PWWP2B: variants seen among roughly 807,000 people sequenced by gnomAD.
PWWP2B encodes the protein PWWP domain containing 2B, also known as PWWP domain-containing protein 2B.
A neutral mutation model predicts 15.5 loss-of-function variants in PWWP2B; 9 were observed. The ratio of observed to expected loss-of-function variants is 0.58; its 90% CI spans 0.35 to 1.02. The LOEUF (loss-of-function observed/expected upper bound fraction) is 1.02, where lower values mean the gene tolerates loss of function less well. Ranked by LOEUF, PWWP2B falls within the 50% of genes least tolerant of loss-of-function variation. The probability of loss-of-function intolerance (pLI) is 0.02; values close to 1 mark genes in which losing one functional copy is unlikely to be tolerated. For synonymous variants in PWWP2B, 474 were observed against 403.6 expected, an observed-to-expected ratio of 1.17 and a Z score of -2.09; for missense variants, 864 against 865.3, an observed-to-expected ratio of 1.00 and a Z score of 0.02.
Position 132,405,961 on chromosome 10 carries a change from T to C in PWWP2B, c.1461T>C (p.Thr487=), listed in dbSNP as rs1336321906. 6.2e-7 allele frequency: 1 copy of C among 1,613,466 alleles called. No homozygotes were observed. Among genetic ancestry groups the C allele is most frequent in the South Asian group, 1.1e-5 (1 of 91,082 alleles). The change falls in exon 2 of 3, where the codon ACT becomes ACC. Residue 487 remains threonine, a synonymous_variant. Coordinates refer to ENST00000305233, the MANE Select transcript of PWWP2B (RefSeq NM_138499.4). The stretch of plus-strand genomic sequence containing the variant: ...AGTGCATCACGGAGGACGGCAGGAC[T>C]GTGGCCGTGGGGGACATCGTCTGGG... ...VSECITEDGR[T]VAVGDIVWGK... is the part of the protein sequence containing the mutation.
intron 1 of PWWP2B, among the ~76,000 whole-genome samples, chr10:132,399,464 G>A (rs941005091): frequency 3.9e-5 from 6 of 152,376 alleles, no homozygotes; most frequent in South Asian, 2.1e-4. Context: ...GTTTGTTGTC[G>A]GCCGGTTTGG....
intron 2 of PWWP2B, among the ~76,000 whole-genome samples, chr10:132,411,664 G>C (rs2069782819): frequency 6.6e-6 from 1 of 152,252 alleles, no homozygotes; most frequent in Non-Finnish European, 1.5e-5. Context: ...GGGAAATAAA[G>C]ATAATAATCA....
At chr10:132,412,807 C>G (rs1376934799) in intron 2 of PWWP2B, among the ~76,000 whole-genome samples, 1 of 152,254 alleles carries the variant, frequency 6.6e-6, no homozygotes, top group Non-Finnish European at 1.5e-5. Flanking sequence ...GGGCTGGTTC[C>G]CCAGCTCCTT....
intron 1 of PWWP2B, among the ~76,000 whole-genome samples, chr10:132,397,721 G>T (rs947722323): frequency 1.3e-5 from 2 of 152,212 alleles, no homozygotes; most frequent in Non-Finnish European, 2.9e-5. Flanking sequence ...GGTCAGATGC[G>T]CCGTGGCCTT....
chr10:132,409,126 G>T (rs1223784528), intron 2 of PWWP2B, among the ~76,000 whole-genome samples: 2 of 152,200 alleles, frequency 1.3e-5, no homozygotes, highest in South Asian at 2.1e-4. Flanking sequence ...CCGCTCCCAG[G>T]GTAACAACAG....
chr10:132,413,776 G>A (rs1395357654), intron 2 of PWWP2B, among the ~76,000 whole-genome samples: 2 of 152,230 alleles, frequency 1.3e-5, no homozygotes, highest in East Asian at 3.8e-4. Flanking sequence ...ACTCCCTGGG[G>A]GGACTCTGGC....
intron 2 of PWWP2B, among the ~76,000 whole-genome samples, chr10:132,414,266 T>C (rs2069816888): frequency 6.6e-6 from 1 of 152,240 alleles, no homozygotes; most frequent in South Asian, 2.1e-4. Context: ...CTGATGGATG[T>C]TTACCGACAT....
At chr10:132,411,860 C>G (rs1011096713) in intron 2 of PWWP2B, among the ~76,000 whole-genome samples, 4 of 152,236 alleles carry the variant, frequency 2.6e-5, no homozygotes, top group Non-Finnish European at 5.9e-5. Context: ...ACTTGCTTTT[C>G]TCTTCCTCCA....
intron 2 of PWWP2B, among the ~76,000 whole-genome samples, chr10:132,412,296 C>T (rs2069791420): frequency 6.6e-6 from 1 of 152,242 alleles, no homozygotes; most frequent in Non-Finnish European, 1.5e-5. Context: ...CTATGCGGAC[C>T]TGTTGCCAGA....
In PWWP2B at chr10:132,416,014, G is replaced by A. The variant is rs970444078; in HGVS notation, c.*17-1047G>A. Among the ~76,000 whole-genome samples, 17 of 152,314 alleles carry A rather than the reference G, an allele frequency of 1.1e-4. No homozygotes were observed. In the East Asian group the frequency reaches 2.1e-3, roughly 19 times the overall value. ...CTGCAGGTGCCCTCCAGGCCTCCCC[G>A]CGTGCCGCTGGGCTTCCTCACGGCA... On this transcript the variant is annotated intron_variant, in intron 2 of 2. Coordinates refer to ENST00000305233, the MANE Select transcript of PWWP2B (RefSeq NM_138499.4).
chr10:132,402,878 T>C (rs1464064498), intron 1 of PWWP2B, among the ~76,000 whole-genome samples: 1 of 152,212 alleles, frequency 6.6e-6, no homozygotes, highest in Non-Finnish European at 1.5e-5. Context: ...CTAGTAAAAC[T>C]TTCTTCACAA....
In PWWP2B at chr10:132,404,834, G is replaced by A. The variant is rs757084491; in HGVS notation, c.334G>A (p.Gly112Arg). 78 of 1,049,198 alleles carry A rather than the reference G, an allele frequency of 7.4e-5. No homozygotes were observed. The highest frequency in any genetic ancestry group is 8.2e-5 in the Non-Finnish European group (62 of 759,372). The allele number at this position is 1,049,198 out of a possible 1,614,324, so 65.0% of individuals were successfully genotyped here. A position where few individuals can be genotyped will look rare whatever the true frequency, so the allele number is the denominator to read the frequency against. ...GCCCCTCGTGCCGCCGCTGCCCGCC[G>A]GAAGCCTGCCCCCGTACCCTCCCTA... ...PPPLVPPLPA[G>R]SLPPYPPYFE... Residue 112 changes from glycine (G) to arginine (R), a missense_variant, in exon 2 of 3, where the codon GGA (glycine) becomes AGA (arginine). By Grantham distance (125) the Gly-to-Arg change is moderately radical (BLOSUM62 -2). This residue lies in a region of PWWP2B where 736 missense variants were observed against 687.7 expected (regional missense o/e 1.07). Coordinates refer to ENST00000305233, the MANE Select transcript of PWWP2B (RefSeq NM_138499.4).
intron 2 of PWWP2B, among the ~76,000 whole-genome samples, chr10:132,415,560 A>T (rs1222566601): frequency 1.0e-5 from 1 of 96,478 alleles, no homozygotes; most frequent in African/African-American, 4.4e-5. Context: ...CATTCACACA[A>T]ACACACATAC....
In PWWP2B at chr10:132,405,471, C is replaced by G. The variant is rs1336241466; in HGVS notation, c.971C>G (p.Ala324Gly). The stretch of plus-strand genomic sequence containing the variant: ...TTGAAACTGACACGGCCTGTGCCGG[C>G]CGGCGCGGACCTGCCGCCCCCTAAG... The part of the protein sequence containing the change: ...PKLKLTRPVP[A>G]GADLPPPKIR... The change falls in exon 2 of 3, where the codon GCC becomes GGC. Residue 324 changes from alanine to glycine, a missense_variant. By Grantham distance (60) the Ala-to-Gly change is moderately conservative. Around this residue, in one of 2 missense-constraint regions of PWWP2B, gnomAD observed 736 missense variants for 687.7 expected, o/e 1.07. Transcript: ENST00000305233. The G allele has an allele frequency of 5.6e-6, 9 of 1,605,526 alleles. No homozygotes were observed. The highest frequency in any genetic ancestry group is 7.6e-6 in the Non-Finnish European group (9 of 1,179,406).
At chr10:132,412,162 CAG>C (rs920456422) in intron 2 of PWWP2B, among the ~76,000 whole-genome samples, 4 of 152,342 alleles carry the variant, frequency 2.6e-5, no homozygotes, top group East Asian at 1.9e-4. Flanking sequence ...AGTTGCTTCT[CAG>C]GGGGTCAGAT....
chr10:132,400,704 T>C (rs1271779661), intron 1 of PWWP2B, among the ~76,000 whole-genome samples: 1 of 152,232 alleles, frequency 6.6e-6, no homozygotes, highest in Non-Finnish European at 1.5e-5. Context: ...AGACGCTTTC[T>C]AGACTGACAC....
chr10:132,404,798 GA>G lies in PWWP2B; in HGVS notation c.299del (p.Glu100GlyfsTer86). 2.3e-6 allele frequency: 2 copies of G among 881,684 alleles called. No homozygotes were observed. The highest frequency in any genetic ancestry group is 3.1e-6 in the Non-Finnish European group (2 of 637,626). 54.6% of individuals were successfully genotyped at this position (881,684 alleles called of 1,614,324 possible). A position where few individuals can be genotyped will look rare whatever the true frequency, so the allele number is the denominator to read the frequency against. ...TCAGCCCCCCGAGACCACCCGCCCC[GA>G]GCCACCCCCGCCCCTCGTGCCGCCG... ...GVQPPETTRP[E>X]PPPPLVPPLP... On this transcript the variant is annotated frameshift_variant, in exon 2 of 3. Transcript: ENST00000305233. LOFTEE classifies it high-confidence loss of function.
intron 1 of PWWP2B, among the ~76,000 whole-genome samples, chr10:132,403,159 G>A (rs769670345): frequency 1.3e-5 from 2 of 152,198 alleles, no homozygotes; most frequent in Non-Finnish European, 2.9e-5. Flanking sequence ...GCCCCACAGC[G>A]GTGCCTGGCC....
chr10:132,397,620 T>C (rs1471897304), intron 1 of PWWP2B, among the ~76,000 whole-genome samples: 1 of 151,724 alleles, frequency 6.6e-6, no homozygotes, highest in Non-Finnish European at 1.5e-5. Flanking sequence ...GTCCCGGAAC[T>C]CCACACATCT....
Sources: gnomAD v4.1 joint callset for allele counts (sites outside exome capture counted in the v4.1 genomes callset) on GRCh38, gnomAD v4.1.1 for gene constraint, gnomAD v4.1.1 regional missense constraint, MANE v1.5 for transcripts, NCBI Gene and HGNC (gene_info 2026-07-23, HGNC 2026-07-21) for gene names.